GRIK2: variants seen among roughly 807,000 people sequenced by gnomAD.
GRIK2 encodes the protein glutamate ionotropic receptor kainate type subunit 2, also known as glutamate receptor ionotropic, kainate 2.
Under a neutral mutation model 100.3 loss-of-function variants are expected in GRIK2, and 32 were observed. The ratio of observed to expected loss-of-function variants is 0.32; its 90% confidence interval spans 0.24 to 0.43. The LOEUF is 0.43. Ranked by LOEUF, GRIK2 falls within the 20% of genes least tolerant of loss-of-function variation. The probability of loss-of-function intolerance (pLI) is 1.00; values close to 1 mark genes in which losing one functional copy is unlikely to be tolerated. For synonymous variants in GRIK2, 417 were observed against 389.4 expected (o/e 1.07, Z -0.83); for missense variants, 843 against 1,114.9 (o/e 0.76, Z 3.47).
intron 7 of GRIK2, among the ~76,000 whole-genome samples, chr6:101,749,646 G>A (rs1466497085): frequency 1.3e-5 from 2 of 151,994 alleles, no homozygotes; most frequent in African/African-American, 2.4e-5. Flanking sequence ...TGTATGACCT[G>A]TATGGAGAAA....
intron 2 of GRIK2, among the ~76,000 whole-genome samples, chr6:101,586,915 A>C (rs1237284046): frequency 1.6e-5 from 2 of 123,642 alleles, no homozygotes; most frequent in Non-Finnish European, 3.8e-5. Flanking sequence ...AAAAAAAAAG[A>C]GAGATATCAA....
At chr6:101,405,972 G>T (rs1775573160) in intron 2 of GRIK2, among the ~76,000 whole-genome samples, 2 of 152,158 alleles carry the variant, frequency 1.3e-5, no homozygotes, top group Admixed American at 1.3e-4. Context: ...CAGGTGAGGG[G>T]GGATGTGGTC....
At chr6:101,867,256 T>TA (rs1785110162) in intron 11 of GRIK2, among the ~76,000 whole-genome samples, 1 of 151,946 alleles carries the variant, frequency 6.6e-6, no homozygotes, top group Admixed American at 6.6e-5. Context: ...CTCTTCTTTG[T>TA]AAAAAAGCAA....
intron 7 of GRIK2, among the ~76,000 whole-genome samples, chr6:101,795,638 T>C (rs1408768): frequency 0.27 from 41,197 of 152,132 alleles, 7,507 homozygotes; most frequent in East Asian, 0.69. Flanking sequence ...CCTTGGACTC[T>C]CAGGCATCAC....
intron 2 of GRIK2, among the ~76,000 whole-genome samples, chr6:101,544,307 T>C (rs1776136028): frequency 6.6e-6 from 1 of 152,184 alleles, no homozygotes; most frequent in Admixed American, 6.5e-5. Context: ...ATCATCTGTA[T>C]AAGATATTGT....
At chr6:101,624,428 A>G (rs769502314) in intron 3 of GRIK2, among the ~76,000 whole-genome samples, 2 of 152,184 alleles carry the variant, frequency 1.3e-5, no homozygotes, top group Non-Finnish European at 2.9e-5. Context: ...TGTATTTAAA[A>G]ACAATTTATT....
intron 14 of GRIK2, among the ~76,000 whole-genome samples, chr6:102,002,817 G>A (rs1795020992): frequency 6.6e-6 from 1 of 150,442 alleles, no homozygotes. Context: ...AATTTCATCA[G>A]TTGTTATTTA....
At chr6:101,511,502 CAT>C (rs1479896928) in intron 2 of GRIK2, among the ~76,000 whole-genome samples, 3 of 151,886 alleles carry the variant, frequency 2.0e-5, no homozygotes, top group African/African-American at 7.2e-5. Flanking sequence ...GTATACATCT[CAT>C]ATAACTCAAT....
At chr6:101,840,767 A>G (rs1413022363) in intron 10 of GRIK2, among the ~76,000 whole-genome samples, 1 of 151,902 alleles carries the variant, frequency 6.6e-6, no homozygotes, top group African/African-American at 2.4e-5. Flanking sequence ...TTAGTTCTAC[A>G]TAGTAATTGA....
intron 9 of GRIK2, among the ~76,000 whole-genome samples, chr6:101,808,338 T>A (rs1323914186): frequency 1.3e-5 from 2 of 152,064 alleles, no homozygotes; most frequent in Non-Finnish European, 2.9e-5. Flanking sequence ...AACAACCACT[T>A]AAATTTAGAA....
At chr6:101,692,039 C>CAAAAAAAAAAAAAAAAA (rs60210939) in intron 7 of GRIK2, among the ~76,000 whole-genome samples, 1 of 78,376 alleles carries the variant, frequency 1.3e-5, no homozygotes, top group African/African-American at 4.9e-5. Flanking sequence ...CACCCCGTCT[C>CAAAAAAAAAAAAAAAAA]AAAAAAAAAA....
intron 2 of GRIK2, among the ~76,000 whole-genome samples, chr6:101,606,547 T>G (rs1779444555): frequency 6.6e-6 from 1 of 151,940 alleles, no homozygotes; most frequent in Admixed American, 6.6e-5. Context: ...CCAAGAACGT[T>G]TAACTAACTT....
intron 2 of GRIK2, among the ~76,000 whole-genome samples, chr6:101,506,340 A>G (rs1437978277): frequency 3.3e-5 from 5 of 152,212 alleles, no homozygotes; most frequent in Non-Finnish European, 5.9e-5. Context: ...AAATTCAAAA[A>G]TCCATATCCT....
chr6:101,627,086 A>G (rs1410450405), intron 4 of GRIK2, among the ~76,000 whole-genome samples: 1 of 150,660 alleles, frequency 6.6e-6, no homozygotes, highest in Admixed American at 6.7e-5. Flanking sequence ...ATCATATTGA[A>G]TAATGTGTGT....
At position 101,761,955 on chromosome 6, in the gene GRIK2, C is replaced by T. The variant is rs1460627126; in HGVS notation, c.952-37693C>T. Among the ~76,000 whole-genome samples, 6 of 81,570 alleles carry T rather than the reference C, an allele frequency of 7.4e-5. 1 individual carries two copies. Among genetic ancestry groups the T allele is most frequent in the African/African-American group, 5.5e-4 (6 of 10,954 alleles). 53.5% of individuals were successfully genotyped at this position (81,570 alleles called of 152,430 possible). ...TTCTTTTCCTTCCTTTCCTTCCTTC[C>T]CTTCCTTTCCTTTCCCCTCCCTTCC... On this transcript the variant is annotated intron_variant, in intron 7 of 16. Transcript: ENST00000369134.
chr6:101,531,381 T>G (rs1464418278), intron 2 of GRIK2, among the ~76,000 whole-genome samples: 2 of 151,974 alleles, frequency 1.3e-5, no homozygotes, highest in Non-Finnish European at 2.9e-5. Context: ...ATATAACTGG[T>G]ACTGATTATA....
At chr6:101,786,164 T>C (rs553491870) in intron 7 of GRIK2, among the ~76,000 whole-genome samples, 17 of 152,254 alleles carry the variant, frequency 1.1e-4, no homozygotes, top group Admixed American at 3.9e-4. Context: ...TGATTTTGTG[T>C]TCTACAACTT....
chr6:102,012,436 A>C (rs139114214), intron 14 of GRIK2, among the ~76,000 whole-genome samples: 6 of 152,192 alleles, frequency 3.9e-5, no homozygotes, highest in Non-Finnish European at 4.4e-5. Context: ...TAAAGTTGAA[A>C]AAAACTGACA....
intron 15 of GRIK2, among the ~76,000 whole-genome samples, chr6:102,045,427 G>A (rs895404635): frequency 6.6e-6 from 1 of 151,914 alleles, no homozygotes; most frequent in Non-Finnish European, 1.5e-5. Context: ...CATAGAAAAG[G>A]AAAAAGATAG....
Sources: gnomAD v4.1 joint callset for allele counts (sites outside exome capture counted in the v4.1 genomes callset) on GRCh38, gnomAD v4.1.1 for gene constraint, MANE v1.5 for transcripts, NCBI Gene and HGNC (gene_info 2026-07-23, HGNC 2026-07-21) for gene names.